Variants in USP34 observed in about 807,000 individuals in gnomAD.
USP34 encodes the protein ubiquitin carboxyl-terminal hydrolase 34.
In USP34, 70 loss-of-function variants were observed where a neutral mutation model predicts 460.3. The ratio of observed to expected loss-of-function variants is 0.15; its 90% CI spans 0.13 to 0.19. The LOEUF (loss-of-function observed/expected upper bound fraction) is 0.19, where lower values mean the gene tolerates loss of function less well. USP34 is among the 10% of genes least tolerant of loss of function. USP34 has a pLI of 1.00. For synonymous variants in USP34, 1,647 were observed against 1,405.3 expected (o/e 1.17, Z -3.85); for missense variants, 3,985 against 4,236.2 (o/e 0.94, Z 1.65).
At chr2:61,319,380 A>C in intron 21 of USP34, 53 bp from the exon 22 acceptor site, 3 of 1,344,868 alleles carry the variant, frequency 2.2e-6, no homozygotes, top group Non-Finnish European at 2.0e-6. Flanking sequence ...AAAAAAATTA[A>C]ACTTCTCTTA....
intron 10 of USP34, among the ~76,000 whole-genome samples, chr2:61,364,701 G>A (rs1218795808): frequency 3.3e-5 from 5 of 152,174 alleles, no homozygotes; most frequent in Non-Finnish European, 5.9e-5. Context: ...GGTCGAGACA[G>A]GCAGATCACT....
At chr2:61,301,628 C>A (rs1241024195) in intron 27 of USP34, among the ~76,000 whole-genome samples, 174 bp from the exon 28 acceptor site, 3 of 152,198 alleles carry the variant, frequency 2.0e-5, no homozygotes, top group Non-Finnish European at 4.4e-5. Context: ...TGCATTAAGT[C>A]CTTTTAGCTG....
chr2:61,222,960 G>A, intron 64 of USP34, 100 bp downstream of exon 64: 2 of 1,085,058 alleles, frequency 1.8e-6, no homozygotes, highest in South Asian at 1.6e-5. Flanking sequence ...GCCTCCCAAA[G>A]TGCTGGGATT....
chr2:61,460,150 A>G (rs1188009761), intron 1 of USP34, among the ~76,000 whole-genome samples: 11 of 152,202 alleles, frequency 7.2e-5, no homozygotes, highest in Admixed American at 5.9e-4. Flanking sequence ...AGAAATTACA[A>G]TAGTCTCCCT....
At chr2:61,320,929 G>T (rs1690900073) in intron 21 of USP34, among the ~76,000 whole-genome samples, 1 of 152,128 alleles carries the variant, frequency 6.6e-6, no homozygotes, top group Non-Finnish European at 1.5e-5. Flanking sequence ...AGAATCGCTG[G>T]AACCCGGGAG....
chr2:61,332,732 T>C (rs888714723), intron 19 of USP34, among the ~76,000 whole-genome samples: 5 of 152,042 alleles, frequency 3.3e-5, no homozygotes, highest in Non-Finnish European at 7.4e-5. Context: ...TACCCCTCCT[T>C]TTGGAAGCTG....
intron 32 of USP34, among the ~76,000 whole-genome samples, chr2:61,293,934 G>A (rs965911401): frequency 6.6e-5 from 10 of 152,038 alleles, no homozygotes; most frequent in African/African-American, 1.2e-4. Context: ...AGGATCACTC[G>A]AACCCAGGAG....
chr2:61,265,356 C>G (rs1689017489), intron 43 of USP34, 41 bp downstream of exon 43: 3 of 1,561,656 alleles, frequency 1.9e-6, no homozygotes, highest in Middle Eastern at 1.7e-4. Flanking sequence ...ATATTAAAAT[C>G]TGGTTTATAA....
Position 61,259,767 on chromosome 2 carries a change from C to G in USP34, c.5788G>C (p.Asp1930His). 1 of 1,612,808 alleles carries G rather than the reference C, an allele frequency of 6.2e-7. No individual in the cohort carries two copies. Among genetic ancestry groups the G allele is most frequent in the Non-Finnish European group, 8.5e-7 (1 of 1,179,758 alleles). ...QAVFTAKYSEDMKHKTTLLEL... is the reference protein window; with the variant it reads ...QAVFTAKYSEHMKHKTTLLEL... ...AGAAGAGTGGTCTTGTGCTTCATATCCTCTGAATACTGAAAATCAAGAGAA... is the reference window on the plus strand; with the variant it reads ...AGAAGAGTGGTCTTGTGCTTCATATGCTCTGAATACTGAAAATCAAGAGAA... Residue 1930 changes from aspartate to histidine, a missense_variant, in exon 44 of 80, where the codon GAT (aspartate) becomes CAT (histidine). Physicochemically the swap from Asp to His is moderately conservative, Grantham distance 81 (BLOSUM62 -1). This residue lies in a region of USP34 where 145 missense variants were observed against 291.6 expected (regional missense o/e 0.50). Transcript: ENST00000398571.
Position 61,319,238 on chromosome 2 carries a change from G to T in USP34, c.3103C>A (p.Gln1035Lys). 1 of 1,592,852 alleles carries T rather than the reference G, an allele frequency of 6.3e-7. No individual in the cohort carries two copies. The highest frequency in any genetic ancestry group is 8.5e-7 in the Non-Finnish European group (1 of 1,173,626). The change falls in exon 22 of 80, where the codon CAA (glutamine) becomes AAA (lysine). Residue 1035 changes from glutamine to lysine, a missense_variant. Physicochemically the swap from Gln to Lys is moderately conservative, Grantham distance 53. Coordinates refer to ENST00000398571, the MANE Select transcript of USP34 (RefSeq NM_014709.4). ...GCATGTTGATCTTTACTTCGAACTTGATTTAAAAACCAATGGAGTGCATCA... is the reference window on the plus strand; with the variant it reads ...GCATGTTGATCTTTACTTCGAACTTTATTTAAAAACCAATGGAGTGCATCA... ...YDDALHWFLN[Q>K]VRSKDQHAMG... is the part of the protein sequence containing the mutation.
At position 61,188,355 on chromosome 2, in the gene USP34, T is replaced by G; in HGVS notation, c.10388A>C (p.Glu3463Ala). 6.2e-7 allele frequency: 1 copy of G among 1,613,764 alleles called. No individual in the cohort carries two copies. Among genetic ancestry groups the G allele is most frequent in the Non-Finnish European group, 8.5e-7 (1 of 1,180,040 alleles). ...AGTAGAAGGGAACTCAGATTCTTCC[T>G]CAGCTAGGGTAGAATCCTTGGAACA... The part of the protein sequence containing the change: ...LHCSKDSTLA[E>A]EESEFPSTSI... Residue 3463 changes from glutamate (E) to alanine (A), a missense_variant, in exon 80 of 80, where the codon GAG (glutamate) becomes GCG (alanine). Transcript: ENST00000398571.
chr2:61,188,340 A>T lies in USP34; in HGVS notation c.10403T>A (p.Phe3468Tyr), dbSNP rs1460932247. 1 of 1,613,644 alleles carries T rather than the reference A, an allele frequency of 6.2e-7. No individual in the cohort carries two copies. The change falls in exon 80 of 80, where the codon TTC (phenylalanine) becomes TAC (tyrosine). Residue 3468 changes from phenylalanine (F) to tyrosine (Y), a missense_variant. Transcript: ENST00000398571. ...DSTLAEEESE[F>Y]PSTSISAVLS... Reference sequence around the variant, plus strand: ...AACTGCAGAGATAGAAGTAGAAGGGAACTCAGATTCTTCCTCAGCTAGGGT... The same window carrying T: ...AACTGCAGAGATAGAAGTAGAAGGGTACTCAGATTCTTCCTCAGCTAGGGT...
At chr2:61,416,977 A>G (rs541862103) in intron 2 of USP34, 35 of 1,304,112 alleles carry the variant, frequency 2.7e-5, no homozygotes, top group South Asian at 1.2e-4. Context: ...CTCAGCCACC[A>G]TATCTTCAAA....
chr2:61,420,855 A>T, intron 1 of USP34, 22 bp from the exon 2 acceptor site: 1 of 1,572,580 alleles, frequency 6.4e-7, no homozygotes, highest in Non-Finnish European at 8.7e-7. Context: ...AAGAAATTTT[A>T]AAATTATGAA....
Position 61,284,921 on chromosome 2 carries a change from G to C in USP34, c.4786C>G (p.Gln1596Glu), listed in dbSNP as rs749799976. Residue 1596 changes from glutamine to glutamate, a missense_variant, in exon 35 of 80, where the codon CAG (glutamine) becomes GAG (glutamate). By Grantham distance (29) the Gln-to-Glu change is conservative (BLOSUM62 2). Around this residue, in one of 14 missense-constraint regions of USP34, gnomAD observed 1,114 missense variants for 1,122.5 expected, o/e 0.99. Coordinates refer to ENST00000398571, the MANE Select transcript of USP34 (RefSeq NM_014709.4). ...LVLVQGTSLI[Q>E]RLMSVAYTYD... ...GTATAAGCAACAGACATAAGTCGCT[G>C]AATCAAACTGGTTCCTTGGACAAGA... The C allele has an allele frequency of 1.9e-6, 3 of 1,611,126 alleles. No individual in the cohort carries two copies. Among genetic ancestry groups the C allele is most frequent in the African/African-American group, 2.7e-5 (2 of 74,804 alleles).
chr2:61,412,531 T>C (rs1460953329), intron 2 of USP34, among the ~76,000 whole-genome samples: 4 of 151,786 alleles, frequency 2.6e-5, no homozygotes, highest in East Asian at 1.9e-4. Context: ...ATTTGTAAAA[T>C]TCAACAAAAG....
chr2:61,422,835 C>T (rs546941240), intron 1 of USP34, among the ~76,000 whole-genome samples: 43 of 152,080 alleles, frequency 2.8e-4, no homozygotes, highest in African/African-American at 8.0e-4. Flanking sequence ...CCCATCTCTA[C>T]GAAAAATATA....
chr2:61,412,014 A>C (rs1694053936), intron 2 of USP34, among the ~76,000 whole-genome samples: 1 of 151,748 alleles, frequency 6.6e-6, no homozygotes, highest in Non-Finnish European at 1.5e-5. Flanking sequence ...ACATGGAGAA[A>C]CCCCGTCTCC....
intron 10 of USP34, among the ~76,000 whole-genome samples, chr2:61,351,016 A>C (rs1572959205): frequency 6.6e-6 from 1 of 152,190 alleles, no homozygotes; most frequent in Non-Finnish European, 1.5e-5. Context: ...TGAGCCCAGG[A>C]GTTTCAGATC....
Sources: gnomAD v4.1 joint callset for allele counts (sites outside exome capture counted in the v4.1 genomes callset) on GRCh38, gnomAD v4.1.1 for gene constraint, gnomAD v4.1.1 regional missense constraint, MANE v1.5 for transcripts, NCBI Gene and HGNC (gene_info 2026-07-23, HGNC 2026-07-21) for gene names.